LPP: variants seen among roughly 807,000 people sequenced by gnomAD.
LPP encodes the protein LIM domain containing preferred translocation partner in lipoma.
Under a neutral mutation model 60.4 loss-of-function variants are expected in LPP, and 38 were observed. That is an observed-to-expected ratio of 0.63 (90% CI 0.49 to 0.83). The LOEUF (loss-of-function observed/expected upper bound fraction) is 0.83. LPP is among the 40% of genes least tolerant of loss of function. The probability of loss-of-function intolerance (pLI) is 0.00; values close to 1 mark genes in which losing one functional copy is unlikely to be tolerated. For synonymous variants in LPP, 328 were observed against 290.8 expected (o/e 1.13, Z -1.30); for missense variants, 902 against 783.6 (o/e 1.15, Z -1.80).
At chr3:188,253,159 T>G (rs1730516570) in intron 2 of LPP, among the ~76,000 whole-genome samples, 1 of 152,000 alleles carries the variant, frequency 6.6e-6, no homozygotes, top group Admixed American at 6.5e-5. Context: ...TGGCCTTTCA[T>G]CTATGAAGTA....
At chr3:188,864,150 A>G (rs1765993486) in intron 9 of LPP, among the ~76,000 whole-genome samples, 1 of 152,148 alleles carries the variant, frequency 6.6e-6, no homozygotes, top group Non-Finnish European at 1.5e-5. Context: ...AATGGGAAAA[A>G]CAAATAGGTT....
At chr3:188,265,170 C>A (rs1735036156) in intron 2 of LPP, among the ~76,000 whole-genome samples, 1 of 152,154 alleles carries the variant, frequency 6.6e-6, no homozygotes, top group Non-Finnish European at 1.5e-5. Context: ...TCTTTTCTTT[C>A]TGCAGATTTT....
chr3:188,602,696 T>C (rs1306855261), intron 6 of LPP, among the ~76,000 whole-genome samples: 1 of 146,272 alleles, frequency 6.8e-6, no homozygotes, highest in Non-Finnish European at 1.5e-5. Flanking sequence ...GATATAGAAA[T>C]ATTTTTTTAT....
intron 7 of LPP, among the ~76,000 whole-genome samples, chr3:188,618,215 C>A (rs1436440297): frequency 6.6e-6 from 1 of 152,174 alleles, no homozygotes; most frequent in Non-Finnish European, 1.5e-5. Context: ...TTTAGAAGTA[C>A]TCTTAACAAA....
intron 7 of LPP, among the ~76,000 whole-genome samples, chr3:188,645,292 T>A (rs1285265374): frequency 2.0e-5 from 3 of 147,256 alleles, no homozygotes; most frequent in Non-Finnish European, 2.9e-5. Flanking sequence ...TAAGGAAGGG[T>A]TGGAGAGAGA....
chr3:188,322,445 G>T (rs1053985127), intron 2 of LPP, among the ~76,000 whole-genome samples: 1 of 152,128 alleles, frequency 6.6e-6, no homozygotes, highest in Non-Finnish European at 1.5e-5. Flanking sequence ...ATGATTCCTA[G>T]TTAGGCATGG....
chr3:188,630,905 T>A (rs1847744621), intron 7 of LPP, among the ~76,000 whole-genome samples: 1 of 152,138 alleles, frequency 6.6e-6, no homozygotes, highest in Non-Finnish European at 1.5e-5. Context: ...CCATTATTCT[T>A]AGCAAACTAA....
intron 6 of LPP, among the ~76,000 whole-genome samples, chr3:188,548,294 G>A (rs531979813): frequency 2.0e-5 from 3 of 152,256 alleles, no homozygotes; most frequent in Admixed American, 2.0e-4. Context: ...TAGGGAACTG[G>A]ACTTCTTGTC....
At chr3:188,430,359 C>T (rs895798112) in intron 4 of LPP, among the ~76,000 whole-genome samples, 1 of 152,028 alleles carries the variant, frequency 6.6e-6, no homozygotes, top group Non-Finnish European at 1.5e-5. Flanking sequence ...TCTTACAGCT[C>T]TTTAATTATT....
rs6771786 is a variant in LPP at position 188,760,267 on chromosome 3, C to T, written c.1395C>T (p.Cys465=). 7.6e-3 allele frequency: 12,286 copies of T among 1,614,014 alleles called. 68 individuals carry two copies. The highest frequency in any genetic ancestry group is 9.2e-3 in the Non-Finnish European group (10,812 of 1,179,960). Residue 465 remains cysteine, a synonymous_variant, in exon 9 of 12, where the codon TGC becomes TGT. Transcript: ENST00000617246. The part of the protein sequence containing the change: ...PFYAVEKKAY[C]EPCYINTLEQ... ...ATGCTGTGGAAAAGAAAGCATACTG[C>T]GAGCCCTGCTACATTGTAAGTTCCA...
intron 6 of LPP, among the ~76,000 whole-genome samples, chr3:188,604,194 C>T (rs994828837): frequency 1.3e-5 from 2 of 152,004 alleles, no homozygotes; most frequent in Admixed American, 6.6e-5. Context: ...ATCTAGTAAG[C>T]AGCTCAATGC....
chr3:188,829,979 G>A (rs547434946), intron 9 of LPP, among the ~76,000 whole-genome samples: 129 of 149,462 alleles, frequency 8.6e-4, no homozygotes, highest in South Asian at 1.9e-3. Context: ...TCAGACCAGC[G>A]TGGACAACAC....
chr3:188,306,289 A>G (rs368726219), intron 2 of LPP, among the ~76,000 whole-genome samples: 1 of 150,898 alleles, frequency 6.6e-6, no homozygotes, highest in African/African-American at 2.4e-5. Flanking sequence ...GGGTTTCACC[A>G]TGTTGGTCAG....
intron 4 of LPP, among the ~76,000 whole-genome samples, chr3:188,446,735 C>T (rs1416391515): frequency 6.6e-6 from 1 of 152,184 alleles, no homozygotes. Context: ...TGGTTTCTAA[C>T]ATCTATGTTT....
chr3:188,824,599 T>C lies in LPP; in HGVS notation c.1411-41601T>C, dbSNP rs549367091. Among the ~76,000 whole-genome samples the C allele has an allele frequency of 2.6e-5, 4 of 152,104 alleles. No homozygotes were observed. The East Asian group carries it at 5.8e-4, about 22-fold the overall frequency. On this transcript the variant is annotated intron_variant, in intron 9 of 11. Transcript: ENST00000617246. ...GAGTTGGTCTGTGACCTGCTGGGAG[T>C]AATGCAGTTCTCAAAGAACTCTAAC... is the stretch of plus-strand genomic sequence containing the variant.
At chr3:188,315,128 A>G (rs1754663240) in intron 2 of LPP, among the ~76,000 whole-genome samples, 1 of 151,844 alleles carries the variant, frequency 6.6e-6, no homozygotes, top group South Asian at 2.1e-4. Flanking sequence ...CTATTCTGTG[A>G]TTACCTTTGT....
chr3:188,760,388 G>A (rs1731784460), intron 9 of LPP, 106 bp downstream of exon 9: 5 of 1,166,286 alleles, frequency 4.3e-6, no homozygotes, highest in Non-Finnish European at 6.2e-6. Flanking sequence ...CTTCTTCCTA[G>A]ACTTCAAAAT....
intron 2 of LPP, among the ~76,000 whole-genome samples, chr3:188,241,289 G>A (rs1577489152): frequency 2.0e-5 from 3 of 152,334 alleles, no homozygotes; most frequent in Non-Finnish European, 4.4e-5. Flanking sequence ...TTCTCCAGCT[G>A]ATCCTGCATG....
intron 7 of LPP, among the ~76,000 whole-genome samples, chr3:188,679,709 A>G (rs1402820777): frequency 6.6e-6 from 1 of 152,222 alleles, no homozygotes; most frequent in African/African-American, 2.4e-5. Flanking sequence ...CAGAGACAAA[A>G]TTAATAATAA....
Sources: allele counts gnomAD v4.1 joint callset (sites outside exome capture counted in the v4.1 genomes callset), GRCh38; gene constraint gnomAD v4.1.1; transcripts MANE v1.5; gene names NCBI Gene and HGNC (gene_info 2026-07-23, HGNC 2026-07-21).